THRB: variants seen among roughly 807,000 people sequenced by gnomAD.
THRB encodes nuclear receptor subfamily 1 group A member 2.
Under a neutral mutation model 47.8 loss-of-function variants are expected in THRB, and 12 were observed. That is an observed-to-expected ratio of 0.25 (90% confidence interval 0.16 to 0.41). THRB has a LOEUF of 0.41. Among genes scored for constraint, THRB ranks in the 10% least tolerant of loss-of-function variants. The pLI is 1.00. For missense variants in THRB, 348 were observed against 589.2 expected, an observed-to-expected ratio of 0.59 and a Z score of 4.24; for synonymous variants, 218 against 212.2, an observed-to-expected ratio of 1.03 and a Z score of -0.24.
chr3:24,372,793 T>C (rs1238918374), intron 1 of THRB, among the ~76,000 whole-genome samples: 1 of 152,074 alleles, frequency 6.6e-6, no homozygotes, highest in Non-Finnish European at 1.5e-5. Context: ...GAGTCAAGAC[T>C]GGAATGCTTC....
At chr3:24,421,883 T>A (rs758801364) in intron 1 of THRB, among the ~76,000 whole-genome samples, 4 of 151,994 alleles carry the variant, frequency 2.6e-5, no homozygotes, top group South Asian at 2.1e-4. Flanking sequence ...GATTACGTTA[T>A]CATCTCCATT....
Position 24,141,853 on chromosome 3 carries a change from T to C in THRB, c.738+1648A>G, listed in dbSNP as rs528497261. On this transcript the variant is annotated intron_variant, in intron 8 of 10. Coordinates refer to ENST00000646209, the MANE Select transcript of THRB (RefSeq NM_001354712.2). Reference sequence around the variant, plus strand: ...AAGTGGTTTCTACAATGTCCATTTATGGGTGACACATTTGGGGAAAGGATG... The same window carrying C: ...AAGTGGTTTCTACAATGTCCATTTACGGGTGACACATTTGGGGAAAGGATG... Among the ~76,000 whole-genome samples, 39 of 152,342 alleles carry C rather than the reference T, an allele frequency of 2.6e-4. 1 individual carries two copies. Among genetic ancestry groups the C allele is most frequent in the Admixed American group, 9.8e-4 (15 of 15,300 alleles).
intron 4 of THRB, among the ~76,000 whole-genome samples, chr3:24,217,561 A>C (rs998119881): frequency 2.0e-5 from 3 of 152,026 alleles, no homozygotes; most frequent in Non-Finnish European, 4.4e-5. Flanking sequence ...TTGGCAAAAA[A>C]AAAAAATGTT....
intron 1 of THRB, among the ~76,000 whole-genome samples, chr3:24,487,803 T>C (rs1022473890): frequency 2.0e-5 from 3 of 152,210 alleles, no homozygotes; most frequent in Admixed American, 2.0e-4. Flanking sequence ...AAGACATTTA[T>C]GACTATAAGA....
chr3:24,184,856 C>G (rs984306155), intron 5 of THRB, among the ~76,000 whole-genome samples: 3 of 152,154 alleles, frequency 2.0e-5, no homozygotes, highest in African/African-American at 7.2e-5. Flanking sequence ...TAATCCTCCA[C>G]CTTTTAAAAT....
At chr3:24,323,887 A>G (rs1303537911) in intron 2 of THRB, among the ~76,000 whole-genome samples, 1 of 152,252 alleles carries the variant, frequency 6.6e-6, no homozygotes, top group African/African-American at 2.4e-5. Flanking sequence ...TTTCTCTTTG[A>G]ATTTCAAATG....
At chr3:24,193,730 A>T (rs1023132995) in intron 4 of THRB, among the ~76,000 whole-genome samples, 1 of 152,188 alleles carries the variant, frequency 6.6e-6, no homozygotes, top group Non-Finnish European at 1.5e-5. Context: ...TAAAGAACTA[A>T]AAGTGGGTCT....
rs375505356 is a variant in THRB, at chr3:24,156,312, T to C, written c.284-3822A>G. On this transcript the variant is annotated intron_variant, in intron 5 of 10. Coordinates refer to ENST00000646209, the MANE Select transcript of THRB (RefSeq NM_001354712.2). ...AGAAGGCTGGCTAGTTTAATTCTTT[T>C]GAGTGAATTATAACAGCATCTCAGG... is the stretch of plus-strand genomic sequence containing the variant. Among the ~76,000 whole-genome samples the C allele has an allele frequency of 9.0e-4, 137 of 152,350 alleles. 2 individuals carry two copies. The highest frequency in any genetic ancestry group is 3.1e-3 in the African/African-American group (130 of 41,580).
intron 3 of THRB, among the ~76,000 whole-genome samples, chr3:24,243,269 C>T (rs959237502): frequency 2.0e-5 from 3 of 151,880 alleles, no homozygotes; most frequent in Non-Finnish European, 2.9e-5. Context: ...GCCCTTGCCC[C>T]TTCTCATCTC....
At position 24,376,357 on chromosome 3, in the gene THRB, T is replaced by C. The variant is rs546723317; in HGVS notation, c.-260-38986A>G. Among the ~76,000 whole-genome samples, 19 of 152,296 alleles carry C rather than the reference T, an allele frequency of 1.2e-4. No homozygotes were observed. In the East Asian group the frequency reaches 3.7e-3, roughly 29 times the overall value. ...GGGGAAGTGGAACCCAGAGAGCAGC[T>C]GGGTGAAGAAAACTGAGACCTGATT... is the stretch of plus-strand genomic sequence containing the variant. On this transcript the variant is annotated intron_variant, in intron 1 of 10. Transcript: ENST00000646209.
chr3:24,415,946 C>T (rs1202216535), intron 1 of THRB, among the ~76,000 whole-genome samples: 1 of 151,686 alleles, frequency 6.6e-6, no homozygotes, highest in Non-Finnish European at 1.5e-5. Flanking sequence ...AGTTTCTGAA[C>T]CACTAATCTA....
At chr3:24,323,271 C>T (rs927489412) in intron 2 of THRB, among the ~76,000 whole-genome samples, 3 of 151,396 alleles carry the variant, frequency 2.0e-5, no homozygotes, top group African/African-American at 7.3e-5. Context: ...TTTCTGGGAG[C>T]AGCATTTCTG....
chr3:24,429,734 C>T (rs1476853019), intron 1 of THRB, among the ~76,000 whole-genome samples: 1 of 152,024 alleles, frequency 6.6e-6, no homozygotes, highest in African/African-American at 2.4e-5. Context: ...TCTTAAACTC[C>T]TGGCCTCAAA....
intron 3 of THRB, among the ~76,000 whole-genome samples, chr3:24,237,336 A>G (rs1419068912): frequency 1.3e-5 from 2 of 152,192 alleles, no homozygotes; most frequent in African/African-American, 4.8e-5. Flanking sequence ...CAGGAAGGGA[A>G]ATAATTCAAC....
At chr3:24,452,884 T>C (rs1202206660) in intron 1 of THRB, among the ~76,000 whole-genome samples, 2 of 152,208 alleles carry the variant, frequency 1.3e-5, no homozygotes, top group African/African-American at 4.8e-5. Flanking sequence ...TTAAGTGCTG[T>C]TTTGCAAATT....
intron 2 of THRB, among the ~76,000 whole-genome samples, chr3:24,316,445 C>T (rs1361162788): frequency 6.6e-6 from 1 of 151,576 alleles, no homozygotes; most frequent in East Asian, 1.9e-4. Context: ...ATTGTGCTCA[C>T]CCTCTCCCCC....
intron 5 of THRB, among the ~76,000 whole-genome samples, chr3:24,158,442 G>T (rs1223605880): frequency 1.4e-5 from 2 of 143,820 alleles, no homozygotes; most frequent in Non-Finnish European, 1.5e-5. Flanking sequence ...TTGGGGGGAG[G>T]GTGGGGGACG....
intron 4 of THRB, among the ~76,000 whole-genome samples, chr3:24,212,595 A>AG (rs1355105408): frequency 7.0e-4 from 106 of 150,382 alleles, no homozygotes; most frequent in Middle Eastern, 3.5e-3. Flanking sequence ...AAAAAAAAAA[A>AG]AAAGAAAGAA....
In THRB at chr3:24,302,897, C is replaced by T. The variant is rs1350689220; in HGVS notation, c.-188-5526G>A. ...GAGTGTTTAATAAATATTTGTTGAA[C>T]GAATGGCTATAAAGAAGACTTACTG... is the stretch of plus-strand genomic sequence containing the variant. On this transcript the variant is annotated intron_variant, in intron 2 of 10. Transcript: ENST00000646209. Among the ~76,000 whole-genome samples, 3 of 152,122 alleles carry T rather than the reference C, an allele frequency of 2.0e-5. 1 individual carries two copies. The highest frequency in any genetic ancestry group is 4.1e-4 in the South Asian group (2 of 4,826).
Sources: gnomAD v4.1 joint callset for allele counts (sites outside exome capture counted in the v4.1 genomes callset) on GRCh38, gnomAD v4.1.1 for gene constraint, MANE v1.5 for transcripts, NCBI Gene and HGNC (gene_info 2026-07-23, HGNC 2026-07-21) for gene names.